Variants in CKAP5 observed in about 807,000 individuals in gnomAD.
CKAP5 encodes the protein cytoskeleton associated protein 5.
CKAP5 carries 27 observed loss-of-function variants against 232.8 expected under a neutral mutation model. That is an observed-to-expected ratio of 0.12 (90% CI 0.09 to 0.16). The LOEUF is 0.16. CKAP5 is among the 10% of genes least tolerant of loss of function. The pLI, the probability that CKAP5 is intolerant of heterozygous loss-of-function variation, is 1.00. For synonymous variants in CKAP5, 785 were observed against 841.1 expected (o/e 0.93, Z 1.16); for missense variants, 1,838 against 2,424.7 (o/e 0.76, Z 5.08).
chr11:46,750,294 C>G lies in CKAP5; in HGVS notation c.5684G>C (p.Gly1895Ala), dbSNP rs760323026. ...RVIEMEREGK[G>A]RISTSTGISP... ...CATACCTGTTGAAGTGGAAATACGA[C>G]CTTTGCCCTCCCTCTCCATCTCAAT... Residue 1895 changes from glycine to alanine, a missense_variant, in exon 42 of 44, where the codon GGT becomes GCT. Gly to Ala is a moderately conservative substitution (Grantham distance 60). Coordinates refer to ENST00000529230, the MANE Select transcript of CKAP5 (RefSeq NM_001008938.4). 1.2e-6 allele frequency: 2 copies of G among 1,613,976 alleles called. No homozygotes were observed. Among genetic ancestry groups the G allele is most frequent in the Non-Finnish European group, 1.7e-6 (2 of 1,180,008 alleles).
intron 1 of CKAP5, among the ~76,000 whole-genome samples, chr11:46,832,531 G>A (rs1939815335): frequency 6.6e-6 from 1 of 152,160 alleles, no homozygotes; most frequent in East Asian, 1.9e-4. Context: ...CAAACCAGCT[G>A]ATCCTCAGTT....
chr11:46,828,877 G>A (rs542441244), intron 1 of CKAP5, among the ~76,000 whole-genome samples: 1 of 151,704 alleles, frequency 6.6e-6, no homozygotes, highest in East Asian at 1.9e-4. Context: ...CTTGGGAGGG[G>A]GATAAGAGAA....
chr11:46,811,073 A>G lies in CKAP5; in HGVS notation c.564T>C (p.Ala188=), dbSNP rs1389890156. Residue 188 remains alanine, a synonymous_variant, in exon 5 of 44, where the codon GCT becomes GCC. Transcript: ENST00000529230. ...KAVRDEAKLI[A]VEIYRWIRDA... ...CCCGAATCCATCTGTAAATCTCCACAGCAATTAGTTTGGCTTCATCTCGAA... is the reference window on the plus strand; with the variant it reads ...CCCGAATCCATCTGTAAATCTCCACGGCAATTAGTTTGGCTTCATCTCGAA... The G allele has an allele frequency of 3.7e-6, 6 of 1,614,126 alleles. No homozygotes were observed. The South Asian group carries it at 6.6e-5, about 18-fold the overall frequency.
At chr11:46,845,521 G>A (rs545976880) in intron 1 of CKAP5, among the ~76,000 whole-genome samples, 68 of 152,330 alleles carry the variant, frequency 4.5e-4, no homozygotes, top group African/African-American at 1.5e-3. Context: ...TACAAGTAGA[G>A]GGGAGAGCTC....
chr11:46,819,792 G>C (rs1939486215), intron 2 of CKAP5, among the ~76,000 whole-genome samples: 1 of 152,032 alleles, frequency 6.6e-6, no homozygotes, highest in African/African-American at 2.4e-5. Context: ...TAGGAAGAAG[G>C]CATTACCTAT....
intron 1 of CKAP5, among the ~76,000 whole-genome samples, chr11:46,845,640 A>C (rs7111243): frequency 2.0e-5 from 3 of 152,156 alleles, no homozygotes; most frequent in Admixed American, 6.5e-5. Flanking sequence ...GAAGGACACC[A>C]GAACGCTCCC....
chr11:46,776,428 T>TG (rs1262218284), intron 23 of CKAP5, 45 bp from the exon 24 acceptor site: 11 of 1,554,388 alleles, frequency 7.1e-6, no homozygotes, highest in Non-Finnish European at 9.6e-6. Context: ...TACTACAGTT[T>TG]GGAGGTAGGG....
chr11:46,790,342 G>T (rs1393530912), intron 14 of CKAP5, 128 bp downstream of exon 14: 5 of 825,862 alleles, frequency 6.1e-6, no homozygotes, highest in Non-Finnish European at 9.6e-6. Context: ...GATTGTCCAA[G>T]GCAGTTTCAA....
chr11:46,750,745 G>A (rs891122381), intron 40 of CKAP5, 134 bp from the exon 41 acceptor site: 7 of 675,006 alleles, frequency 1.0e-5, no homozygotes, highest in East Asian at 8.1e-5. Context: ...CAGATGCACC[G>A]ATGATGCAGG....
At chr11:46,755,102 C>A in intron 35 of CKAP5, 35 bp from the exon 36 acceptor site, 1 of 1,521,974 alleles carries the variant, frequency 6.6e-7, no homozygotes, top group Admixed American at 2.0e-5. Context: ...ATTTTCCAAG[C>A]TTCATACTTC....
chr11:46,743,908 G>T lies in CKAP5; in HGVS notation c.*115C>A. ...CAATGACTCCTCCCCCTAGCTCCAC[G>T]GCATGATACATACAACCAGTTTGTA... On this transcript the variant is annotated 3_prime_UTR_variant, in exon 44 of 44. Coordinates refer to ENST00000529230, the MANE Select transcript of CKAP5 (RefSeq NM_001008938.4). 7.6e-7 allele frequency: 1 copy of T among 1,313,276 alleles called. No homozygotes were observed. The highest frequency in any genetic ancestry group is 1.1e-6 in the Non-Finnish European group (1 of 934,982). The allele number at this position is 1,313,276 out of a possible 1,614,324, so 81.4% of individuals were successfully genotyped here.
intron 15 of CKAP5, among the ~76,000 whole-genome samples, chr11:46,789,839 A>C (rs1049826313): frequency 6.6e-6 from 1 of 152,196 alleles, no homozygotes; most frequent in Non-Finnish European, 1.5e-5. Flanking sequence ...CAGAATAAGA[A>C]TCTAATTTTC....
intron 7 of CKAP5, 30 bp from the exon 8 acceptor site, chr11:46,808,174 C>A: frequency 7.3e-7 from 1 of 1,365,404 alleles, no homozygotes; most frequent in South Asian, 1.2e-5. Flanking sequence ...TCATTTGTAA[C>A]AGGAAATAAG....
In CKAP5 at chr11:46,777,541, C is replaced by A. The variant is rs372647499; in HGVS notation, c.2760G>T (p.Thr920=). 4 of 1,611,174 alleles carry A rather than the reference C, an allele frequency of 2.5e-6. No individual in the cohort carries two copies. The highest frequency in any genetic ancestry group is 3.4e-6 in the Non-Finnish European group (4 of 1,177,480). ...CTGCCAGTTGTTGCAGGATATTCAG[C>A]GTTTGCTGTACCTGAGTGGAAAGAG... The part of the protein sequence containing the change: ...NDSNKILVQQ[T]LNILQQLAVA... Residue 920 remains threonine (T), a synonymous_variant, in exon 23 of 44, where the codon ACG becomes ACT. Transcript: ENST00000529230.
At chr11:46,776,696 A>T (rs1283968205) in intron 23 of CKAP5, among the ~76,000 whole-genome samples, 4 of 152,206 alleles carry the variant, frequency 2.6e-5, no homozygotes, top group African/African-American at 9.6e-5. Flanking sequence ...AGTTGGGGGC[A>T]TTTACGTCCA....
intron 9 of CKAP5, 108 bp downstream of exon 9, chr11:46,801,092 A>G (rs1224722484): frequency 1.2e-5 from 8 of 671,898 alleles, no homozygotes; most frequent in South Asian, 3.5e-5. Flanking sequence ...TACTTTGTAC[A>G]GTATATACAC....
At chr11:46,768,714 T>C (rs1487140910) in intron 26 of CKAP5, among the ~76,000 whole-genome samples, 2 of 151,936 alleles carry the variant, frequency 1.3e-5, no homozygotes, top group African/African-American at 4.8e-5. Flanking sequence ...CCTGGGTAGC[T>C]GGGACCACAG....
chr11:46,834,107 T>G (rs1424272861), intron 1 of CKAP5, among the ~76,000 whole-genome samples: 1 of 152,120 alleles, frequency 6.6e-6, no homozygotes, highest in Non-Finnish European at 1.5e-5. Flanking sequence ...TAACCTCAGG[T>G]GATCCACCCG....
At chr11:46,803,345 C>T (rs987111613) in intron 8 of CKAP5, among the ~76,000 whole-genome samples, 1 of 151,682 alleles carries the variant, frequency 6.6e-6, no homozygotes, top group Non-Finnish European at 1.5e-5. Context: ...CTCAGCTCAC[C>T]GCAACCTCCC....
Sources: gnomAD v4.1 joint callset for allele counts (sites outside exome capture counted in the v4.1 genomes callset) on GRCh38, gnomAD v4.1.1 for gene constraint, MANE v1.5 for transcripts, NCBI Gene and HGNC (gene_info 2026-07-23, HGNC 2026-07-21) for gene names.